GRID1: variants seen among roughly 807,000 people sequenced by gnomAD.
The protein encoded by GRID1 is glutamate ionotropic receptor delta type subunit 1.
A neutral mutation model predicts 98.0 loss-of-function variants in GRID1; 28 were observed. The ratio of observed to expected loss-of-function variants is 0.29; its 90% CI spans 0.21 to 0.39. GRID1 has a LOEUF of 0.39. Ranked by LOEUF, GRID1 falls within the 10% of genes least tolerant of loss-of-function variation. GRID1 has a pLI of 1.00. For synonymous variants in GRID1, 553 were observed against 538.5 expected (o/e 1.03, Z -0.37); for missense variants, 1,111 against 1,340.5 (o/e 0.83, Z 2.67).
intron 8 of GRID1, among the ~76,000 whole-genome samples, chr10:85,781,653 C>A (rs1006983688): frequency 1.3e-5 from 2 of 152,112 alleles, no homozygotes; most frequent in Admixed American, 6.5e-5. Context: ...TTCCCTCAAG[C>A]CTCCTGAGTA....
chr10:85,876,588 C>T (rs1233125866), intron 5 of GRID1, among the ~76,000 whole-genome samples: 2 of 152,188 alleles, frequency 1.3e-5, no homozygotes, highest in Non-Finnish European at 1.5e-5. Flanking sequence ...CATTATTCAG[C>T]CCACTGCATC....
intron 3 of GRID1, among the ~76,000 whole-genome samples, chr10:86,163,549 A>C (rs950808443): frequency 3.3e-5 from 5 of 152,072 alleles, no homozygotes; most frequent in Non-Finnish European, 5.9e-5. Flanking sequence ...CTCTGTTAAC[A>C]CGTCAGCTGT....
intron 13 of GRID1, among the ~76,000 whole-genome samples, chr10:85,639,732 G>C (rs1843092381): frequency 6.6e-6 from 1 of 152,130 alleles, no homozygotes; most frequent in Admixed American, 6.5e-5. Context: ...AATTAGCTGG[G>C]CATGGTGGCA....
chr10:86,037,602 TAC>T (rs1843284558), intron 4 of GRID1, among the ~76,000 whole-genome samples: 1 of 152,180 alleles, frequency 6.6e-6, no homozygotes, highest in African/African-American at 2.4e-5. Context: ...TAAGATGCAC[TAC>T]AGAGACATCC....
At chr10:86,222,750 A>G (rs1490519348) in intron 2 of GRID1, among the ~76,000 whole-genome samples, 6 of 152,172 alleles carry the variant, frequency 3.9e-5, no homozygotes, top group African/African-American at 1.4e-4. Context: ...GCCATTCCCC[A>G]AGTTGGAGTG....
At chr10:85,991,031 T>C (rs1396721872) in intron 4 of GRID1, among the ~76,000 whole-genome samples, 1 of 152,104 alleles carries the variant, frequency 6.6e-6, no homozygotes. Context: ...AGCACGATCT[T>C]GTACCAAGAT....
At chr10:85,678,292 T>C (rs554154279) in intron 12 of GRID1, among the ~76,000 whole-genome samples, 1 of 152,282 alleles carries the variant, frequency 6.6e-6, no homozygotes, top group South Asian at 2.1e-4. Flanking sequence ...AGAGGAGTGA[T>C]TTTTTGTTGT....
chr10:86,207,434 C>T (rs1846043128), intron 2 of GRID1, among the ~76,000 whole-genome samples: 1 of 152,170 alleles, frequency 6.6e-6, no homozygotes, highest in South Asian at 2.1e-4. Flanking sequence ...CGCTCAGGGG[C>T]TCATCTTTAC....
At chr10:86,179,279 C>A (rs966202669) in intron 3 of GRID1, among the ~76,000 whole-genome samples, 1 of 152,246 alleles carries the variant, frequency 6.6e-6, no homozygotes, top group East Asian at 1.9e-4. Context: ...CACCCATGCC[C>A]CAGCCCCGGA....
At chr10:85,836,385 T>C (rs541173204) in intron 8 of GRID1, among the ~76,000 whole-genome samples, 1 of 151,822 alleles carries the variant, frequency 6.6e-6, no homozygotes, top group South Asian at 2.1e-4. Flanking sequence ...ACACACAAGC[T>C]AGATTGAAGA....
At chr10:86,280,934 C>T (rs1847348589) in intron 2 of GRID1, among the ~76,000 whole-genome samples, 1 of 152,248 alleles carries the variant, frequency 6.6e-6, no homozygotes, top group Non-Finnish European at 1.5e-5. Context: ...TACAGACAGG[C>T]TGAAAATACC....
intron 3 of GRID1, among the ~76,000 whole-genome samples, chr10:86,147,487 A>C (rs1845105471): frequency 6.6e-6 from 1 of 152,196 alleles, no homozygotes; most frequent in Admixed American, 6.5e-5. Flanking sequence ...TGGTACAAAA[A>C]TAGACACATA....
At position 86,206,169 on chromosome 10, in the gene GRID1, A is replaced by C. The variant is rs568044537; in HGVS notation, c.520+195T>G. On this transcript the variant is annotated intron_variant, in intron 3 of 15. Transcript: ENST00000327946. This position sits in a 1 kb window ranked among gnomAD's most constrained non-coding sequence, Gnocchi z 4.1. ...CATGATAAGGTGTTGTTGCTAGGCA[A>C]CTTTATACCTATCTATGGAGCTGTT... Among the ~76,000 whole-genome samples the C allele has an allele frequency of 2.0e-5, 3 of 152,186 alleles. No individual in the cohort carries two copies. Among genetic ancestry groups the C allele is most frequent in the Non-Finnish European group, 4.4e-5 (3 of 68,032 alleles).
intron 4 of GRID1, among the ~76,000 whole-genome samples, chr10:86,082,384 C>T (rs916294864): frequency 9.9e-5 from 15 of 152,168 alleles, no homozygotes; most frequent in African/African-American, 3.4e-4. Context: ...CATTCCATTG[C>T]CCAGGGGCAG....
intron 4 of GRID1, among the ~76,000 whole-genome samples, chr10:86,018,968 C>A (rs1369523888): frequency 6.6e-6 from 1 of 152,200 alleles, no homozygotes; most frequent in African/African-American, 2.4e-5. Context: ...ACAATGTGGG[C>A]TGAGGAGTTT....
chr10:86,123,168 G>C (rs1170677349), intron 4 of GRID1, among the ~76,000 whole-genome samples: 1 of 152,178 alleles, frequency 6.6e-6, no homozygotes, highest in Non-Finnish European at 1.5e-5. Flanking sequence ...ACGGTGGGGA[G>C]GATTGGAGTC....
Position 86,289,832 on chromosome 10 carries a change from T to C in GRID1, c.235+74109A>G, listed in dbSNP as rs186124348. On this transcript the variant is annotated intron_variant, in intron 2 of 15. Coordinates refer to ENST00000327946, the MANE Select transcript of GRID1 (RefSeq NM_017551.3). The stretch of plus-strand genomic sequence containing the variant: ...GGGCCAATACTATATCCTTAAAGCC[T>C]TTGCCTGAGCTTTCCAAACAGGGAC... 1.8e-3 allele frequency among the ~76,000 whole-genome samples: 278 copies of C among 152,254 alleles called. 1 individual carries two copies. Among genetic ancestry groups the C allele is most frequent in the African/African-American group, 6.3e-3 (263 of 41,554 alleles).
chr10:85,760,149 C>T (rs1842133845), intron 8 of GRID1, among the ~76,000 whole-genome samples: 2 of 152,172 alleles, frequency 1.3e-5, no homozygotes, highest in Non-Finnish European at 2.9e-5. Flanking sequence ...GGTGTCATAA[C>T]AGGAAACTTG....
chr10:86,229,457 C>T (rs979464205), intron 2 of GRID1, among the ~76,000 whole-genome samples: 35 of 152,206 alleles, frequency 2.3e-4, no homozygotes, highest in Admixed American at 6.5e-5. Context: ...ATTGGCAAAA[C>T]GGGCTAATAA....
Sources: gnomAD v4.1 joint callset for allele counts (sites outside exome capture counted in the v4.1 genomes callset) on GRCh38, gnomAD v4.1.1 for gene constraint, Gnocchi (gnomAD v3.1) non-coding constraint, MANE v1.5 for transcripts, NCBI Gene and HGNC (gene_info 2026-07-23, HGNC 2026-07-21) for gene names.